Variants in GPR158 observed in about 807,000 individuals in gnomAD.
The protein encoded by GPR158 is metabotropic glycine receptor.
Under a neutral mutation model 78.2 loss-of-function variants are expected in GPR158, and 30 were observed. The observed-to-expected ratio is 0.38, with a 90% CI of 0.29 to 0.52. GPR158 has a LOEUF of 0.52. GPR158 is among the 20% of genes least tolerant of loss of function. The probability of loss-of-function intolerance (pLI) is 0.83; values close to 1 mark genes in which losing one functional copy is unlikely to be tolerated. For synonymous variants in GPR158, 581 were observed against 591.1 expected, an observed-to-expected ratio of 0.98 and a Z score of 0.25; for missense variants, 1,463 against 1,523.5, an observed-to-expected ratio of 0.96 and a Z score of 0.66.
chr10:25,521,319 C>T (rs560089429), intron 5 of GPR158, among the ~76,000 whole-genome samples: 21 of 152,292 alleles, frequency 1.4e-4, no homozygotes, highest in African/African-American at 4.3e-4. Flanking sequence ...AGAAATCACC[C>T]GTCTTCTGCG....
chr10:25,252,971 G>A (rs546213152), intron 2 of GPR158, among the ~76,000 whole-genome samples: 14 of 152,184 alleles, frequency 9.2e-5, no homozygotes, highest in African/African-American at 3.1e-4. Flanking sequence ...GCGAGATTCC[G>A]TGGGCGTAGG....
At chr10:25,443,261 ATTT>A (rs528634545) in intron 4 of GPR158, among the ~76,000 whole-genome samples, 3 of 152,046 alleles carry the variant, frequency 2.0e-5, no homozygotes, top group African/African-American at 7.2e-5. Context: ...ATTAAAAAAA[ATTT>A]TTTTGTGAGG....
In GPR158 at chr10:25,540,693, C is replaced by CA. The variant is rs573564894; in HGVS notation, c.1405-10277dup. Among the ~76,000 whole-genome samples, 64 of 149,460 alleles carry CA rather than the reference C, an allele frequency of 4.3e-4. 1 individual carries two copies. Among genetic ancestry groups the CA allele is most frequent in the African/African-American group, 1.5e-3 (61 of 40,684 alleles). On this transcript the variant is annotated intron_variant, in intron 5 of 10. Coordinates refer to ENST00000376351, the MANE Select transcript of GPR158 (RefSeq NM_020752.3). The stretch of plus-strand genomic sequence containing the variant: ...CATTCTCAGCAAACTATCACAAGGA[C>CA]AAAAAACCAAACACCACATGTTCTC...
intron 2 of GPR158, among the ~76,000 whole-genome samples, chr10:25,285,049 A>G (rs1008613597): frequency 6.9e-6 from 1 of 144,090 alleles, no homozygotes; most frequent in Non-Finnish European, 1.5e-5. Context: ...CCCTTACTGC[A>G]TTTCCAGTTC....
intron 5 of GPR158, among the ~76,000 whole-genome samples, chr10:25,471,205 G>A (rs1835495770): frequency 1.3e-5 from 2 of 150,734 alleles, no homozygotes; most frequent in Non-Finnish European, 2.9e-5. Context: ...GAGAACATGT[G>A]GTGTTTGGTT....
chr10:25,277,469 AAAG>A (rs1311257023), intron 2 of GPR158, among the ~76,000 whole-genome samples: 1 of 151,570 alleles, frequency 6.6e-6, no homozygotes, highest in Non-Finnish European at 1.5e-5. Flanking sequence ...GAAAAAAGCA[AAAG>A]AGAGAGAGAG....
At chr10:25,457,553 G>A (rs1169435565) in intron 4 of GPR158, among the ~76,000 whole-genome samples, 1 of 152,098 alleles carries the variant, frequency 6.6e-6, no homozygotes, top group East Asian at 1.9e-4. Context: ...AGAAGTAGCA[G>A]CTAATTTTGC....
chr10:25,526,086 G>T (rs1013115005), intron 5 of GPR158, among the ~76,000 whole-genome samples: 2 of 130,092 alleles, frequency 1.5e-5, no homozygotes, highest in South Asian at 2.5e-4. Context: ...CAGCCTGGGC[G>T]ACAGTCCAAT....
chr10:25,575,341 T>G (rs1258184322), intron 7 of GPR158, among the ~76,000 whole-genome samples: 1 of 152,132 alleles, frequency 6.6e-6, no homozygotes, highest in Non-Finnish European at 1.5e-5. Flanking sequence ...GGTTTTTTTG[T>G]TTTTTTAAGT....
intron 6 of GPR158, among the ~76,000 whole-genome samples, chr10:25,570,048 G>A (rs993229743): frequency 6.6e-6 from 1 of 152,162 alleles, no homozygotes; most frequent in Admixed American, 6.5e-5. Flanking sequence ...GTTCTCTCTG[G>A]AGAATGTAGT....
intron 2 of GPR158, among the ~76,000 whole-genome samples, chr10:25,254,368 G>T (rs1473704985): frequency 6.6e-6 from 1 of 152,134 alleles, no homozygotes; most frequent in Non-Finnish European, 1.5e-5. Context: ...ACTGTACGCT[G>T]TAGCAGATCC....
At chr10:25,545,423 A>G (rs1237823673) in intron 5 of GPR158, among the ~76,000 whole-genome samples, 1 of 152,054 alleles carries the variant, frequency 6.6e-6, no homozygotes, top group Non-Finnish European at 1.5e-5. Flanking sequence ...ATGGTATCTC[A>G]TTGTGGTTTT....
At chr10:25,428,964 C>T (rs1291465026) in intron 4 of GPR158, among the ~76,000 whole-genome samples, 3 of 151,940 alleles carry the variant, frequency 2.0e-5, no homozygotes, top group Non-Finnish European at 2.9e-5. Context: ...GTGAAATATG[C>T]GTAGGGCCAT....
rs539427841 is a variant in GPR158, at chr10:25,495,161, T to C, written c.1404+28442T>C. On this transcript the variant is annotated intron_variant, in intron 5 of 10. Transcript: ENST00000376351. ...TATAATCCACTAACTTTTTTTTTTT[T>C]TTTAGATATATAAGTACATGAGGAA... Among the ~76,000 whole-genome samples, 39 of 152,154 alleles carry C rather than the reference T, an allele frequency of 2.6e-4. 1 individual carries two copies. In the East Asian group the frequency reaches 4.8e-3, roughly 19 times the overall value.
intron 7 of GPR158, among the ~76,000 whole-genome samples, chr10:25,580,297 TAC>T (rs990511026): frequency 1.6e-4 from 25 of 152,210 alleles, no homozygotes; most frequent in Non-Finnish European, 3.5e-4. Flanking sequence ...CTATAGAAAA[TAC>T]ACAGTCTTTA....
intron 5 of GPR158, among the ~76,000 whole-genome samples, chr10:25,498,858 G>A (rs770965668): frequency 5.3e-5 from 8 of 152,100 alleles, no homozygotes; most frequent in Non-Finnish European, 8.8e-5. Context: ...CACAGCTGTC[G>A]GATTTGTGTC....
At chr10:25,417,722 G>A (rs1325584582) in intron 4 of GPR158, among the ~76,000 whole-genome samples, 3 of 152,110 alleles carry the variant, frequency 2.0e-5, no homozygotes, top group African/African-American at 7.2e-5. Context: ...AATGATGGCT[G>A]AGGCATCTAC....
chr10:25,384,909 C>A (rs7091686), intron 2 of GPR158, among the ~76,000 whole-genome samples: 1 of 151,958 alleles, frequency 6.6e-6, no homozygotes, highest in Admixed American at 6.6e-5. Context: ...TGTTTACATA[C>A]ACATCTTTGA....
chr10:25,458,478 C>A (rs2130609282), intron 4 of GPR158, among the ~76,000 whole-genome samples: 1 of 152,302 alleles, frequency 6.6e-6, no homozygotes, highest in Middle Eastern at 3.4e-3. Flanking sequence ...GAACCAGCAG[C>A]TATGGAAGAC....
Sources: gnomAD v4.1 joint callset for allele counts (sites outside exome capture counted in the v4.1 genomes callset) on GRCh38, gnomAD v4.1.1 for gene constraint, MANE v1.5 for transcripts, NCBI Gene and HGNC (gene_info 2026-07-23, HGNC 2026-07-21) for gene names.